Variants in EPB41L4A observed in about 807,000 individuals in gnomAD.
EPB41L4A encodes the protein erythrocyte membrane protein band 4.1 like 4A, also known as band 4.1-like protein 4A.
EPB41L4A carries 100 observed loss-of-function variants against 108.6 expected under a neutral mutation model. The ratio of observed to expected loss-of-function variants is 0.92; its 90% CI spans 0.78 to 1.09. The LOEUF (loss-of-function observed/expected upper bound fraction) is 1.09. EPB41L4A is among the 50% of genes least tolerant of loss of function. The pLI is 0.00. For missense variants in EPB41L4A, 1,030 were observed against 842.7 expected (o/e 1.22, Z -2.75); for synonymous variants, 319 against 289.0 (o/e 1.10, Z -1.05).
In EPB41L4A at chr5:112,224,216, C is replaced by A. The variant is rs1215869953; in HGVS notation, c.1087+10418G>T. Among the ~76,000 whole-genome samples the A allele has an allele frequency of 2.6e-5, 4 of 152,192 alleles. No homozygotes were observed. The East Asian group carries it at 7.7e-4, about 29-fold the overall frequency. On this transcript the variant is annotated intron_variant, in intron 12 of 22. Transcript: ENST00000261486. The stretch of plus-strand genomic sequence containing the variant: ...CCACCCACCTCAGCCTCCCAAAGTG[C>A]TGGGATTACAGGTGTAAGCCACCGC...
intron 1 of EPB41L4A, among the ~76,000 whole-genome samples, chr5:112,408,842 G>A (rs548489104): frequency 1.3e-5 from 2 of 151,950 alleles, no homozygotes; most frequent in Non-Finnish European, 2.9e-5. Flanking sequence ...TATAACAAGC[G>A]CTGGTGAGAA....
At chr5:112,258,892 G>T (rs1040747429) in intron 9 of EPB41L4A, among the ~76,000 whole-genome samples, 16 of 152,172 alleles carry the variant, frequency 1.1e-4, no homozygotes, top group African/African-American at 3.9e-4. Flanking sequence ...CTGAATGCAG[G>T]CTATACCCTT....
chr5:112,382,485 G>A (rs985666483), intron 1 of EPB41L4A, among the ~76,000 whole-genome samples: 1 of 152,200 alleles, frequency 6.6e-6, no homozygotes, highest in African/African-American at 2.4e-5. Context: ...TGTGAGTCAA[G>A]CACCTGGCTA....
In EPB41L4A at chr5:112,163,665, G is replaced by C. The variant is rs1275411577; in HGVS notation, c.*1325C>G. 1.3e-5 allele frequency: 2 copies of C among 152,194 alleles called. No homozygotes were observed. Among genetic ancestry groups the C allele is most frequent in the African/African-American group, 4.8e-5 (2 of 41,446 alleles). 9.4% of individuals were successfully genotyped at this position (152,194 alleles called of 1,614,324 possible). A position where few individuals can be genotyped will look rare whatever the true frequency, so the allele number is the denominator to read the frequency against. On this transcript the variant is annotated 3_prime_UTR_variant, in exon 23 of 23. Coordinates refer to ENST00000261486, the MANE Select transcript of EPB41L4A (RefSeq NM_022140.5). ...TAGAGATAGCTTAAGATAGGGATTA[G>C]ATGAATTGAGGGCAATGACTAAAGA...
chr5:112,311,931 A>G (rs1755079145), intron 1 of EPB41L4A, among the ~76,000 whole-genome samples: 1 of 152,228 alleles, frequency 6.6e-6, no homozygotes, highest in Admixed American at 6.5e-5. Context: ...ACTCTACCTA[A>G]TTCTTCTATC....
intron 1 of EPB41L4A, among the ~76,000 whole-genome samples, chr5:112,317,229 T>C (rs531935760): frequency 6.6e-6 from 1 of 152,356 alleles, no homozygotes; most frequent in Admixed American, 6.5e-5. Flanking sequence ...ATCTCTGTAA[T>C]ATTTCAAATT....
intron 12 of EPB41L4A, among the ~76,000 whole-genome samples, chr5:112,148,129 A>T (rs1162369379): frequency 2.0e-5 from 3 of 148,166 alleles, no homozygotes; most frequent in Non-Finnish European, 4.5e-5. Context: ...ATAATAATAT[A>T]ATAGTATTAC....
rs1478110709 is a variant in EPB41L4A, at chr5:112,317,170, C to A, written c.100-9680G>T. On this transcript the variant is annotated intron_variant, in intron 1 of 22. Transcript: ENST00000261486. ...CATCTTTGTTGACAACCTACCACAT[C>A]TTTTTTTTCTCTCTAAACTTGTTAT... 2.0e-5 allele frequency among the ~76,000 whole-genome samples: 3 copies of A among 152,132 alleles called. No individual in the cohort carries two copies. The South Asian group carries it at 6.2e-4, about 32-fold the overall frequency.
intron 2 of EPB41L4A, among the ~76,000 whole-genome samples, chr5:112,285,537 G>A (rs1366977105): frequency 1.3e-5 from 2 of 152,258 alleles, no homozygotes; most frequent in East Asian, 3.9e-4. Context: ...AGAAGCCTTA[G>A]GACCTCAAGT....
At chr5:112,312,430 A>C (rs1279433291) in intron 1 of EPB41L4A, among the ~76,000 whole-genome samples, 1 of 152,152 alleles carries the variant, frequency 6.6e-6, no homozygotes, top group Non-Finnish European at 1.5e-5. Context: ...AGTGTTATGC[A>C]ACAAATCCAG....
chr5:112,153,855 TTTA>T (rs1759559466), intron 12 of EPB41L4A, among the ~76,000 whole-genome samples: 1 of 151,004 alleles, frequency 6.6e-6, no homozygotes, highest in Non-Finnish European at 1.5e-5. Flanking sequence ...ATCTTATAGT[TTTA>T]TTACTTATTA....
intron 13 of EPB41L4A, among the ~76,000 whole-genome samples, chr5:112,208,533 A>C (rs1762578916): frequency 6.6e-6 from 1 of 152,194 alleles, no homozygotes; most frequent in Non-Finnish European, 1.5e-5. Flanking sequence ...CATTGAGTAC[A>C]CATGGACATA....
intron 1 of EPB41L4A, among the ~76,000 whole-genome samples, chr5:112,331,835 G>T (rs528739506): frequency 2.6e-5 from 4 of 152,318 alleles, no homozygotes; most frequent in African/African-American, 9.6e-5. Context: ...GGGATATGCT[G>T]TCCATGGCCC....
intron 12 of EPB41L4A, 129 bp from the exon 13 acceptor site, chr5:112,210,111 C>A: frequency 1.8e-6 from 1 of 563,102 alleles, no homozygotes; most frequent in East Asian, 3.1e-5. Context: ...AAATTATAAC[C>A]CCAAATAAAT....
intron 1 of EPB41L4A, among the ~76,000 whole-genome samples, chr5:112,375,533 T>C (rs1017597249): frequency 2.6e-5 from 4 of 151,918 alleles, no homozygotes; most frequent in African/African-American, 9.7e-5. Context: ...ATGGCAGAGA[T>C]GTTAGAATTA....
intron 12 of EPB41L4A, among the ~76,000 whole-genome samples, chr5:112,231,629 C>CA (rs747542187): frequency 1.8e-3 from 270 of 150,012 alleles, no homozygotes; most frequent in Middle Eastern, 3.5e-3. Context: ...ACTAAAAATA[C>CA]AAAAAAGTAG....
intron 1 of EPB41L4A, among the ~76,000 whole-genome samples, chr5:112,314,774 C>T (rs887973566): frequency 1.3e-5 from 2 of 149,690 alleles, no homozygotes; most frequent in South Asian, 2.1e-4. Flanking sequence ...GCCTGGGTGA[C>T]GGAGCAAGAC....
Position 112,282,030 on chromosome 5 carries a change from T to G in EPB41L4A, c.205-1707A>C, listed in dbSNP as rs1359727091. 3.3e-5 allele frequency among the ~76,000 whole-genome samples: 5 copies of G among 152,350 alleles called. No individual in the cohort carries two copies. In the East Asian group the frequency reaches 9.6e-4, roughly 29 times the overall value. ...AAATAAAAACTAAAATGTTCATTATTCTGGTTTTCATCATGTCTTATTTTT... is the reference window on the plus strand; with the variant it reads ...AAATAAAAACTAAAATGTTCATTATGCTGGTTTTCATCATGTCTTATTTTT... On this transcript the variant is annotated intron_variant, in intron 2 of 22. Coordinates refer to ENST00000261486, the MANE Select transcript of EPB41L4A (RefSeq NM_022140.5).
chr5:112,213,735 C>T (rs75208545), intron 12 of EPB41L4A, among the ~76,000 whole-genome samples: 13,994 of 152,116 alleles, frequency 0.092, 739 homozygotes, highest in Middle Eastern at 0.14. Context: ...ACTAGACAAG[C>T]CTGGGTTTTA....
Sources: allele counts gnomAD v4.1 joint callset (sites outside exome capture counted in the v4.1 genomes callset), GRCh38; gene constraint gnomAD v4.1.1; transcripts MANE v1.5; gene names NCBI Gene and HGNC (gene_info 2026-07-23, HGNC 2026-07-21).